VPS41: variants seen among roughly 807,000 people sequenced by gnomAD.
VPS41 encodes VPS41 subunit of HOPS complex.
Under a neutral mutation model 130.9 loss-of-function variants are expected in VPS41, and 85 were observed. The ratio of observed to expected loss-of-function variants is 0.65; its 90% CI spans 0.55 to 0.78. The LOEUF (loss-of-function observed/expected upper bound fraction) is 0.78. Among genes scored for constraint, VPS41 ranks in the 30% least tolerant of loss-of-function variants. VPS41 has a pLI of 0.00. For synonymous variants in VPS41, 335 were observed against 332.9 expected (o/e 1.01, Z -0.07); for missense variants, 874 against 1,018.7 (o/e 0.86, Z 1.93).
At chr7:38,824,215 C>T (rs1188635327) in intron 5 of VPS41, among the ~76,000 whole-genome samples, 2 of 152,218 alleles carry the variant, frequency 1.3e-5, no homozygotes, top group African/African-American at 4.8e-5. Context: ...AAATCTCATA[C>T]TACTGCTACT....
At chr7:38,770,919 G>T (rs1784141260) in intron 14 of VPS41, among the ~76,000 whole-genome samples, 1 of 152,044 alleles carries the variant, frequency 6.6e-6, no homozygotes, top group African/African-American at 2.4e-5. Flanking sequence ...ACGATTTAGG[G>T]AAACTTTCAT....
At chr7:38,786,809 C>T (rs765325948) in intron 10 of VPS41, among the ~76,000 whole-genome samples, 5 of 151,998 alleles carry the variant, frequency 3.3e-5, no homozygotes, top group African/African-American at 1.2e-4. Context: ...GAGATGAAAC[C>T]ACATCACTCC....
At chr7:38,791,047 A>C (rs1428732579) in intron 9 of VPS41, among the ~76,000 whole-genome samples, 2 of 152,186 alleles carry the variant, frequency 1.3e-5, no homozygotes, top group East Asian at 1.9e-4. Context: ...CAGAGTGCCC[A>C]CTTTCCCTCA....
Position 38,763,503 on chromosome 7 carries a change from T to C in VPS41, c.1374A>G (p.Pro458=). 2 of 1,607,790 alleles carry C rather than the reference T, an allele frequency of 1.2e-6. No homozygotes were observed. The highest frequency in any genetic ancestry group is 1.7e-6 in the Non-Finnish European group (2 of 1,177,898). ...YLPRGDPVLK[P]LIYEMILHEF... The stretch of plus-strand genomic sequence containing the variant: ...CATGTAAGATCATTTCATAGATGAG[T>C]GGTTTCAGAACTGGATCACCTCTTG... Residue 458 remains proline (P), a synonymous_variant, in exon 17 of 29, where the codon CCA becomes CCG. Coordinates refer to ENST00000310301, the MANE Select transcript of VPS41 (RefSeq NM_014396.4).
At chr7:38,822,637 T>C (rs1486730314) in intron 5 of VPS41, among the ~76,000 whole-genome samples, 1 of 152,244 alleles carries the variant, frequency 6.6e-6, no homozygotes, top group African/African-American at 2.4e-5. Context: ...GCTAAGAACA[T>C]GCTTTGCAAA....
chr7:38,762,393 T>C (rs780562160), intron 17 of VPS41, among the ~76,000 whole-genome samples: 3 of 152,238 alleles, frequency 2.0e-5, no homozygotes, highest in Non-Finnish European at 4.4e-5. Context: ...AACATGCTTA[T>C]ATGTTTGTCG....
chr7:38,854,979 G>A (rs1785949304), intron 4 of VPS41, among the ~76,000 whole-genome samples: 1 of 151,886 alleles, frequency 6.6e-6, no homozygotes, highest in East Asian at 1.9e-4. Flanking sequence ...GGCAGGCCGA[G>A]GTGGGCGGAT....
chr7:38,791,320 T>C (rs1784531349), intron 9 of VPS41, among the ~76,000 whole-genome samples: 1 of 152,224 alleles, frequency 6.6e-6, no homozygotes, highest in Admixed American at 6.5e-5. Context: ...AATGTGCTGA[T>C]ATAAGTACAT....
chr7:38,843,692 A>C (rs553881672), intron 4 of VPS41, among the ~76,000 whole-genome samples: 27 of 151,876 alleles, frequency 1.8e-4, no homozygotes, highest in South Asian at 8.3e-4. Context: ...AAAAAAAAAA[A>C]CAAAAAAAAA....
At chr7:38,800,761 A>G (rs1328009136) in intron 7 of VPS41, among the ~76,000 whole-genome samples, 2 of 152,154 alleles carry the variant, frequency 1.3e-5, no homozygotes, top group African/African-American at 4.8e-5. Flanking sequence ...GCTTGAACCT[A>G]GGAGGAGGAG....
intron 5 of VPS41, among the ~76,000 whole-genome samples, chr7:38,829,444 T>C (rs1253898250): frequency 6.6e-6 from 1 of 152,226 alleles, no homozygotes. Context: ...CAGTAAGGAA[T>C]ATGTAAAGAT....
chr7:38,832,302 A>T (rs1785402111), intron 4 of VPS41, among the ~76,000 whole-genome samples: 1 of 145,418 alleles, frequency 6.9e-6, no homozygotes, highest in African/African-American at 2.5e-5. Flanking sequence ...ACATTTCAGA[A>T]TTCATTTTCT....
At chr7:38,882,047 A>C (rs1786620872) in intron 2 of VPS41, among the ~76,000 whole-genome samples, 1 of 152,146 alleles carries the variant, frequency 6.6e-6, no homozygotes, top group Admixed American at 6.5e-5. Flanking sequence ...TGTAATACAC[A>C]GTACAAGAAT....
rs775250138 is a variant in VPS41 at position 38,869,282 on chromosome 7, C to G, written c.61-29G>C. On this transcript the variant is annotated intron_variant, in intron 2 of 28. Transcript: ENST00000310301. ...CACAAACGGCAAAGAAAAATGACAC[C>G]CGTCAGAGATTTATTTGTTTTGAAA... 1.3e-6 allele frequency: 2 copies of G among 1,496,424 alleles called. 1 individual carries two copies. The highest frequency in any genetic ancestry group is 2.3e-5 in the South Asian group (2 of 86,014). 92.7% of individuals were successfully genotyped at this position (1,496,424 alleles called of 1,614,324 possible).
In VPS41 at chr7:38,726,169, T is replaced by C. The variant is rs1795536999; in HGVS notation, c.*77A>G. On this transcript the variant is annotated 3_prime_UTR_variant, in exon 29 of 29. Transcript: ENST00000310301. ...TAAACAAATCTCTTAACAGCACGAG[T>C]GTCAACAAATGCTTTTGTTGTTGCA... 1.1e-6 allele frequency: 1 copy of C among 934,930 alleles called. No individual in the cohort carries two copies. Among genetic ancestry groups the C allele is most frequent in the South Asian group, 1.3e-5 (1 of 74,640 alleles). The allele number at this position is 934,930 out of a possible 1,614,324, so 57.9% of individuals were successfully genotyped here.
At chr7:38,774,068 A>C (rs770323425) in intron 12 of VPS41, 47 bp downstream of exon 12, 10 of 1,504,630 alleles carry the variant, frequency 6.6e-6, no homozygotes, top group Non-Finnish European at 9.0e-6. Context: ...AAGGGGGAGA[A>C]AAAAACATTA....
At chr7:38,858,975 C>T (rs923556214) in intron 4 of VPS41, among the ~76,000 whole-genome samples, 3 of 152,044 alleles carry the variant, frequency 2.0e-5, no homozygotes, top group South Asian at 2.1e-4. Flanking sequence ...GCTCCATGTG[C>T]GTTACTACCC....
chr7:38,908,272 A>G (rs1178211336), intron 1 of VPS41, among the ~76,000 whole-genome samples: 1 of 152,156 alleles, frequency 6.6e-6, no homozygotes, highest in African/African-American at 2.4e-5. Flanking sequence ...AACTTAAGTT[A>G]TCTCCCCCAA....
intron 18 of VPS41, among the ~76,000 whole-genome samples, chr7:38,757,562 A>C (rs1161385823): frequency 6.6e-6 from 1 of 152,228 alleles, no homozygotes; most frequent in Non-Finnish European, 1.5e-5. Flanking sequence ...CGTTTCCAAG[A>C]GAAAATGATT....
Sources: gnomAD v4.1 joint callset for allele counts (sites outside exome capture counted in the v4.1 genomes callset) on GRCh38, gnomAD v4.1.1 for gene constraint, MANE v1.5 for transcripts, NCBI Gene and HGNC (gene_info 2026-07-23, HGNC 2026-07-21) for gene names.